The following ATRNL1 variants were observed in gnomAD, a reference collection of about 807,000 sequenced individuals.
ATRNL1 encodes the protein attractin-like protein 1.
In ATRNL1, 95 loss-of-function variants were observed where a neutral mutation model predicts 182.7. The observed-to-expected ratio is 0.52, with a 90% CI of 0.44 to 0.62. ATRNL1 has a LOEUF of 0.62. ATRNL1 is among the 20% of genes least tolerant of loss of function. ATRNL1 has a pLI of 0.00. For missense variants in ATRNL1, 1,471 were observed against 1,679.5 expected (o/e 0.88, Z 2.17); for synonymous variants, 576 against 568.3 (o/e 1.01, Z -0.19).
chr10:115,233,165 C>G (rs1287655734), intron 9 of ATRNL1, among the ~76,000 whole-genome samples: 1 of 152,042 alleles, frequency 6.6e-6, no homozygotes, highest in Non-Finnish European at 1.5e-5. Flanking sequence ...ACACCAGTCA[C>G]TGGATTTAGG....
At chr10:115,669,718 C>A (rs572601334) in intron 26 of ATRNL1, among the ~76,000 whole-genome samples, 1 of 151,982 alleles carries the variant, frequency 6.6e-6, no homozygotes, top group South Asian at 2.1e-4. Context: ...TGGTGATATA[C>A]CAGGTAAAAA....
intron 26 of ATRNL1, among the ~76,000 whole-genome samples, chr10:115,580,456 A>G (rs533500246): frequency 6.6e-6 from 1 of 152,192 alleles, no homozygotes; most frequent in African/African-American, 2.4e-5. Flanking sequence ...TGAAAAATCA[A>G]CTGATAGTCT....
At chr10:115,395,594 T>A (rs1419230798) in intron 20 of ATRNL1, among the ~76,000 whole-genome samples, 1 of 151,878 alleles carries the variant, frequency 6.6e-6, no homozygotes, top group Non-Finnish European at 1.5e-5. Flanking sequence ...ATTCTGATAA[T>A]TAATTCCAAT....
intron 27 of ATRNL1, among the ~76,000 whole-genome samples, chr10:115,844,635 C>T (rs1249196262): frequency 1.3e-5 from 2 of 151,976 alleles, no homozygotes; most frequent in African/African-American, 4.8e-5. Flanking sequence ...TGAACAAAAG[C>T]AGTCTTTTTA....
At chr10:115,590,914 A>G (rs1007564223) in intron 26 of ATRNL1, among the ~76,000 whole-genome samples, 18 of 151,884 alleles carry the variant, frequency 1.2e-4, no homozygotes, top group Non-Finnish European at 4.4e-5. Context: ...TCTGGGAACA[A>G]CTCCCTAGTT....
intron 24 of ATRNL1, among the ~76,000 whole-genome samples, chr10:115,493,942 G>T (rs1271524366): frequency 2.0e-5 from 3 of 151,920 alleles, no homozygotes; most frequent in Non-Finnish European, 4.4e-5. Context: ...TGTGTTCTTT[G>T]CCCACATTTT....
intron 26 of ATRNL1, among the ~76,000 whole-genome samples, chr10:115,602,527 A>G (rs1856653226): frequency 6.6e-6 from 1 of 152,076 alleles, no homozygotes; most frequent in African/African-American, 2.4e-5. Flanking sequence ...GTCAGACGCT[A>G]CAAGGTTAGA....
intron 26 of ATRNL1, among the ~76,000 whole-genome samples, chr10:115,602,178 AC>A (rs782595877): frequency 3.3e-5 from 5 of 151,514 alleles, no homozygotes; most frequent in Non-Finnish European, 5.9e-5. Context: ...ACATGGCAAA[AC>A]CCTGTCTCTA....
chr10:115,299,724 C>A (rs782248811), intron 15 of ATRNL1, among the ~76,000 whole-genome samples: 1 of 152,036 alleles, frequency 6.6e-6, no homozygotes, highest in Non-Finnish European at 1.5e-5. Flanking sequence ...TTTAAATAAT[C>A]CTACCTTATC....
At chr10:115,168,621 A>T (rs932140406) in intron 7 of ATRNL1, among the ~76,000 whole-genome samples, 1 of 152,072 alleles carries the variant, frequency 6.6e-6, no homozygotes, top group Non-Finnish European at 1.5e-5. Context: ...CTTTGGAGAA[A>T]TGTCTATTCA....
chr10:115,841,309 A>G (rs1555097068), intron 27 of ATRNL1, among the ~76,000 whole-genome samples: 1 of 152,138 alleles, frequency 6.6e-6, no homozygotes, highest in African/African-American at 2.4e-5. Flanking sequence ...AGTGCCACAC[A>G]ATTAAAATAA....
At chr10:115,278,589 G>A (rs1022754744) in intron 13 of ATRNL1, among the ~76,000 whole-genome samples, 2 of 152,162 alleles carry the variant, frequency 1.3e-5, no homozygotes, top group East Asian at 3.9e-4. Flanking sequence ...CTCAGCTGCT[G>A]TGATTAGCTG....
chr10:115,647,207 C>T (rs1462197909), intron 26 of ATRNL1, among the ~76,000 whole-genome samples: 1 of 151,964 alleles, frequency 6.6e-6, no homozygotes, highest in Non-Finnish European at 1.5e-5. Flanking sequence ...CACTGGTGGA[C>T]ATTTGGGTTG....
chr10:115,402,828 C>T (rs1284432609), intron 20 of ATRNL1, among the ~76,000 whole-genome samples: 1 of 152,126 alleles, frequency 6.6e-6, no homozygotes, highest in African/African-American at 2.4e-5. Flanking sequence ...CTACTTACTT[C>T]AGGCTTAAGA....
intron 26 of ATRNL1, among the ~76,000 whole-genome samples, chr10:115,562,174 G>A (rs1855893): frequency 0.64 from 96,878 of 152,002 alleles, 31,960 homozygotes; most frequent in Non-Finnish European, 0.71. Flanking sequence ...TGTGTAAATG[G>A]AATATTATTC....
intron 28 of ATRNL1, among the ~76,000 whole-genome samples, chr10:115,905,408 T>G (rs1555114338): frequency 6.6e-6 from 1 of 151,560 alleles, no homozygotes. Flanking sequence ...TTTTTTAAGT[T>G]TTGTAGAGGC....
chr10:115,637,596 T>TTTATCACTATTATTA lies in ATRNL1; in HGVS notation c.3795+88064_3795+88065insCACTATTATTATTAT, dbSNP rs1178553835. 3.1e-5 allele frequency among the ~76,000 whole-genome samples: 3 copies of TTTATCACTATTATTA among 97,296 alleles called. No individual in the cohort carries two copies. The East Asian group carries it at 1.0e-3, about 34-fold the overall frequency. The allele number at this position is 97,296 out of a possible 152,430, so 63.8% of individuals were successfully genotyped here. A position where few individuals can be genotyped will look rare whatever the true frequency, so the allele number is the denominator to read the frequency against. On this transcript the variant is annotated intron_variant, in intron 26 of 28. Coordinates refer to ENST00000355044, the MANE Select transcript of ATRNL1 (RefSeq NM_207303.4). The stretch of plus-strand genomic sequence containing the variant: ...TAATTAAAAAGTAAGCTAAAGTCAA[T>TTTATCACTATTATTA]TTATTACTATTATTATTATTATTAT...
At chr10:115,319,289 AG>A (rs1554930636) in intron 18 of ATRNL1, among the ~76,000 whole-genome samples, 3 of 152,106 alleles carry the variant, frequency 2.0e-5, no homozygotes, top group African/African-American at 4.8e-5. Context: ...CATTTGCTGA[AG>A]AGTGTTTTAC....
chr10:115,638,507 C>G (rs188352062), intron 26 of ATRNL1, among the ~76,000 whole-genome samples: 221 of 152,156 alleles, frequency 1.5e-3, no homozygotes, highest in African/African-American at 4.9e-3. Context: ...ATAGGCAAAT[C>G]CAGAGGCAAA....
Sources: allele counts gnomAD v4.1 joint callset (sites outside exome capture counted in the v4.1 genomes callset), GRCh38; gene constraint gnomAD v4.1.1; transcripts MANE v1.5; gene names NCBI Gene and HGNC (gene_info 2026-07-23, HGNC 2026-07-21).